Variants in TRDN observed in about 807,000 individuals in gnomAD.
The protein encoded by TRDN is triadin in skeletal muscle.
In TRDN, 161 loss-of-function variants were observed where a neutral mutation model predicts 149.7. That is an observed-to-expected ratio of 1.08 (90% CI 0.95 to 1.23). The LOEUF (loss-of-function observed/expected upper bound fraction) is 1.23, where lower values mean the gene tolerates loss of function less well. Ranked by LOEUF, TRDN falls within the 50% of genes most tolerant of loss-of-function variation. The pLI is 0.00. For missense variants in TRDN, 896 were observed against 823.5 expected, an observed-to-expected ratio of 1.09 and a Z score of -1.08; for synonymous variants, 294 against 250.5, an observed-to-expected ratio of 1.17 and a Z score of -1.64.
chr6:123,409,044 A>G (rs1031779716), intron 12 of TRDN, among the ~76,000 whole-genome samples: 1 of 152,222 alleles, frequency 6.6e-6, no homozygotes, highest in African/African-American at 2.4e-5. Context: ...ATTCCTAAAC[A>G]TATGTGATGA....
intron 1 of TRDN, among the ~76,000 whole-genome samples, chr6:123,626,234 C>T (rs1345163596): frequency 6.6e-6 from 1 of 152,140 alleles, no homozygotes; most frequent in African/African-American, 2.4e-5. Context: ...GTAATCCCAG[C>T]ACGTTGGGAG....
rs1232728917 is a variant in TRDN, at chr6:123,278,340, T to C, written c.1545A>G (p.Gln515=). The C allele has an allele frequency of 5.4e-6, 7 of 1,295,192 alleles. No homozygotes were observed. The highest frequency in any genetic ancestry group is 3.8e-4 in the Middle Eastern group (2 of 5,222). The allele number at this position is 1,295,192 out of a possible 1,614,324, so 80.2% of individuals were successfully genotyped here. ...KEVKPKPPQL[Q]GKKEEKPEPQ... ...TACCTGGCTTCTCTTCCTTTTTTCCTTGTAGTTCTAAAAATATAGATGAAC... is the reference window on the plus strand; with the variant it reads ...TACCTGGCTTCTCTTCCTTTTTTCCCTGTAGTTCTAAAAATATAGATGAAC... Residue 515 remains glutamine, a synonymous_variant, in exon 26 of 41, where the codon CAA becomes CAG. Transcript: ENST00000334268.
intron 20 of TRDN, among the ~76,000 whole-genome samples, chr6:123,352,927 G>A (rs1780522159): frequency 6.6e-6 from 1 of 151,790 alleles, no homozygotes; most frequent in South Asian, 2.1e-4. Context: ...GTCATTTAGT[G>A]TCTTGTAAAT....
At chr6:123,627,199 G>A (rs1785722526) in intron 1 of TRDN, among the ~76,000 whole-genome samples, 1 of 151,902 alleles carries the variant, frequency 6.6e-6, no homozygotes, top group Non-Finnish European at 1.5e-5. Context: ...AAATTGCTGG[G>A]ATTATAGGCA....
intron 10 of TRDN, among the ~76,000 whole-genome samples, chr6:123,459,947 T>C (rs753940467): frequency 1.3e-5 from 2 of 152,204 alleles, no homozygotes; most frequent in Non-Finnish European, 2.9e-5. Context: ...TCACTACTTG[T>C]AGTTGTTTTG....
chr6:123,474,668 C>G lies in TRDN; in HGVS notation c.854-9685G>C, dbSNP rs1480686005. On this transcript the variant is annotated intron_variant, in intron 9 of 40. Coordinates refer to ENST00000334268, the MANE Select transcript of TRDN (RefSeq NM_006073.4). ...CACCTATTCCAAAATTGACCACATA[C>G]TTGGAAGTAAAGCTCTCCTCAGCAA... Among the ~76,000 whole-genome samples the G allele has an allele frequency of 4.9e-3, 742 of 151,784 alleles. 5 individuals are homozygous for G. The highest frequency in any genetic ancestry group is 0.017 in the African/African-American group (684 of 41,312).
Position 123,464,288 on chromosome 6 carries a change from G to A in TRDN, c.931+618C>T, listed in dbSNP as rs191076447. 6.1e-6 allele frequency: 6 copies of A among 985,010 alleles called. No individual in the cohort carries two copies. The Admixed American group carries it at 3.7e-4, about 61-fold the overall frequency. The allele number at this position is 985,010 out of a possible 1,614,324, so 61.0% of individuals were successfully genotyped here. A position where few individuals can be genotyped will look rare whatever the true frequency, so the allele number is the denominator to read the frequency against. ...CAAAATTTATTACAAAGCTGATCTT[G>A]AGACATCATATTTTCAAGAATTATT... On this transcript the variant is annotated intron_variant, in intron 10 of 40. Transcript: ENST00000334268.
intron 4 of TRDN, among the ~76,000 whole-genome samples, chr6:123,544,930 T>C (rs903654181): frequency 6.6e-6 from 1 of 151,978 alleles, no homozygotes; most frequent in South Asian, 2.1e-4. Context: ...ATTAGTCGAC[T>C]ACACCATTAT....
At position 123,464,890 on chromosome 6, in the gene TRDN, A is replaced by C; in HGVS notation, c.931+16T>G. On this transcript the variant is annotated intron_variant, in intron 10 of 40. Coordinates refer to ENST00000334268, the MANE Select transcript of TRDN (RefSeq NM_006073.4). ...TATCTACAATAGAGATCTTTAAGAA[A>C]AAAAAAAGTACTTGCCTTCAAGGGC... 2 of 1,563,736 alleles carry C rather than the reference A, an allele frequency of 1.3e-6. No homozygotes were observed. Among genetic ancestry groups the C allele is most frequent in the East Asian group, 2.4e-5 (1 of 42,508 alleles).
At chr6:123,596,202 A>C (rs1784029998) in intron 1 of TRDN, among the ~76,000 whole-genome samples, 1 of 152,132 alleles carries the variant, frequency 6.6e-6, no homozygotes, top group African/African-American at 2.4e-5. Flanking sequence ...TTCTGAATAG[A>C]TCAAACCAAC....
chr6:123,317,085 A>G (rs1410797387), intron 23 of TRDN, among the ~76,000 whole-genome samples: 1 of 151,764 alleles, frequency 6.6e-6, no homozygotes, highest in African/African-American at 2.4e-5. Flanking sequence ...TTGTCCAGAA[A>G]TTCTGCATTC....
rs1779906840 is a variant in TRDN, at chr6:123,337,289, GAGAATC to G, written c.1420+324_1420+329del. On this transcript the variant is annotated intron_variant, in intron 22 of 40. Coordinates refer to ENST00000334268, the MANE Select transcript of TRDN (RefSeq NM_006073.4). ...ATATATATTTTAGGAATAGAAAGGA[GAGAATC>G]AGAGAATTTGGGGACAAGTGCTTCT... 2.6e-5 allele frequency among the ~76,000 whole-genome samples: 4 copies of G among 152,128 alleles called. No homozygotes were observed. The South Asian group carries it at 8.3e-4, about 32-fold the overall frequency.
chr6:123,253,468 T>G (rs573257481), intron 37 of TRDN, among the ~76,000 whole-genome samples: 12 of 152,282 alleles, frequency 7.9e-5, no homozygotes, highest in Admixed American at 5.9e-4. Flanking sequence ...TCAGTATTGT[T>G]AGAGTACTAT....
At chr6:123,624,268 C>T (rs551702289) in intron 1 of TRDN, among the ~76,000 whole-genome samples, 51 of 152,142 alleles carry the variant, frequency 3.4e-4, no homozygotes, top group African/African-American at 1.0e-3. Context: ...TGAGAGCTCA[C>T]GTCCCTCAAA....
In TRDN at chr6:123,530,546, A is replaced by G; in HGVS notation, c.444T>C (p.Thr148=). Residue 148 remains threonine, a synonymous_variant, in exon 5 of 41, where the codon ACT becomes ACC. Coordinates refer to ENST00000334268, the MANE Select transcript of TRDN (RefSeq NM_006073.4). ...TCCTTTCAGGTTTCTCTTGTTTTTC[A>G]GTCTTATCTTTGTGTATTTCTAAGA... ...LRKKEIHKDK[T]EKQEKPERKI... is the part of the protein sequence containing the mutation. 8.0e-7 allele frequency: 1 copy of G among 1,256,618 alleles called. No individual in the cohort carries two copies. Among genetic ancestry groups the G allele is most frequent in the South Asian group, 1.6e-5 (1 of 63,428 alleles). 77.8% of individuals were successfully genotyped at this position (1,256,618 alleles called of 1,614,324 possible).
At chr6:123,595,353 T>C (rs547016424) in intron 1 of TRDN, among the ~76,000 whole-genome samples, 2 of 152,228 alleles carry the variant, frequency 1.3e-5, no homozygotes, top group Admixed American at 6.6e-5. Context: ...CATATCCTTC[T>C]CAGACTGTAC....
At chr6:123,526,497 T>G (rs1363869249) in intron 5 of TRDN, among the ~76,000 whole-genome samples, 1 of 152,074 alleles carries the variant, frequency 6.6e-6, no homozygotes, top group African/African-American at 2.4e-5. Flanking sequence ...TGTTCTTACG[T>G]TAGAGATAAC....
chr6:123,497,301 T>A (rs759259363), intron 8 of TRDN, 49 bp from the exon 9 acceptor site: 16 of 1,272,850 alleles, frequency 1.3e-5, no homozygotes, highest in Non-Finnish European at 1.7e-5. Context: ...CATCAACACT[T>A]CATTTTTCTA....
intron 39 of TRDN, among the ~76,000 whole-genome samples, 164 bp from the exon 40 acceptor site, chr6:123,221,686 T>G (rs1252434053): frequency 6.6e-6 from 1 of 151,726 alleles, no homozygotes; most frequent in Non-Finnish European, 1.5e-5. Flanking sequence ...ATTCATATTT[T>G]CACTGTAAAA....
Sources: gnomAD v4.1 joint callset for allele counts (sites outside exome capture counted in the v4.1 genomes callset) on GRCh38, gnomAD v4.1.1 for gene constraint, MANE v1.5 for transcripts, NCBI Gene and HGNC (gene_info 2026-07-23, HGNC 2026-07-21) for gene names.